CADPS: variants seen among roughly 807,000 people sequenced by gnomAD.
CADPS encodes calcium dependent secretion activator.
A neutral mutation model predicts 167.3 loss-of-function variants in CADPS; 57 were observed. That is an observed-to-expected ratio of 0.34 (90% CI 0.28 to 0.42). The LOEUF is 0.42. Ranked by LOEUF, CADPS falls within the 20% of genes least tolerant of loss-of-function variation. The probability of loss-of-function intolerance (pLI) is 1.00; values close to 1 mark genes in which losing one functional copy is unlikely to be tolerated. For synonymous variants in CADPS, 676 were observed against 635.3 expected (o/e 1.06, Z -0.96); for missense variants, 1,414 against 1,738.1 (o/e 0.81, Z 3.32).
intron 1 of CADPS, among the ~76,000 whole-genome samples, chr3:62,866,324 GT>G (rs2081670618): frequency 6.6e-6 from 1 of 152,028 alleles, no homozygotes; most frequent in Admixed American, 6.6e-5. Flanking sequence ...AAAGGTGACT[GT>G]ATTTTAGACT....
chr3:62,781,632 G>A lies in CADPS; in HGVS notation c.442-15648C>T, dbSNP rs370949214. On this transcript the variant is annotated intron_variant, in intron 1 of 29. Coordinates refer to ENST00000383710, the MANE Select transcript of CADPS (RefSeq NM_003716.4). The stretch of plus-strand genomic sequence containing the variant: ...ACGTTCTGTTGGGAGGGGCCAAAGG[G>A]CTAGAGAGAAAACTAATCCTGGGAG... Among the ~76,000 whole-genome samples the A allele has an allele frequency of 3.9e-5, 6 of 152,132 alleles. No homozygotes were observed. In the East Asian group the frequency reaches 5.8e-4, roughly 15 times the overall value.
At chr3:62,845,983 C>A (rs985099209) in intron 1 of CADPS, among the ~76,000 whole-genome samples, 2 of 151,968 alleles carry the variant, frequency 1.3e-5, no homozygotes, top group African/African-American at 2.4e-5. Context: ...TAGATTTCCC[C>A]CTTCCTGTTC....
chr3:62,834,015 T>C (rs1350523228), intron 1 of CADPS, among the ~76,000 whole-genome samples: 2 of 152,188 alleles, frequency 1.3e-5, no homozygotes, highest in Non-Finnish European at 2.9e-5. Flanking sequence ...ATTATAATGA[T>C]TCATATTTTT....
At chr3:62,745,917 T>C (rs523320) in intron 3 of CADPS, among the ~76,000 whole-genome samples, 126,190 of 152,228 alleles carry the variant, frequency 0.83, 52,729 homozygotes, top group East Asian at 0.92. Context: ...TAGACAATAA[T>C]AGAAAATAAG....
intron 8 of CADPS, among the ~76,000 whole-genome samples, chr3:62,573,585 T>C (rs1410421409): frequency 6.6e-6 from 1 of 152,236 alleles, no homozygotes; most frequent in Non-Finnish European, 1.5e-5. Flanking sequence ...ATCTACATTG[T>C]GTATCTGTAA....
intron 10 of CADPS, among the ~76,000 whole-genome samples, chr3:62,556,727 G>A (rs367904824): frequency 6.6e-6 from 1 of 151,864 alleles, no homozygotes; most frequent in Admixed American, 6.6e-5. Flanking sequence ...GAGGTGCGAG[G>A]GGGCAGGATG....
At chr3:62,467,268 A>C in intron 24 of CADPS, 1 of 1,188,456 alleles carries the variant, frequency 8.4e-7, no homozygotes, top group Non-Finnish European at 1.1e-6. Flanking sequence ...AATGCAAGAC[A>C]TTGTTATTTG....
chr3:62,536,152 A>G (rs1285217819), intron 12 of CADPS: 1 of 278,796 alleles, frequency 3.6e-6, no homozygotes, highest in African/African-American at 2.1e-5. Flanking sequence ...CTCCACAAGC[A>G]GGTGCCAAAC....
intron 20 of CADPS, among the ~76,000 whole-genome samples, chr3:62,491,961 C>T (rs2063821011): frequency 1.3e-5 from 2 of 151,704 alleles, no homozygotes; most frequent in Admixed American, 6.6e-5. Flanking sequence ...TTTTTTTCAT[C>T]TAGAAAGCAT....
At chr3:62,612,453 T>C (rs2061632477) in intron 6 of CADPS, among the ~76,000 whole-genome samples, 2 of 152,228 alleles carry the variant, frequency 1.3e-5, no homozygotes, top group Non-Finnish European at 2.9e-5. Context: ...CAATGGACTC[T>C]ACCAGAGTGT....
chr3:62,480,098 A>C (rs1451242961), intron 22 of CADPS, among the ~76,000 whole-genome samples: 4 of 152,042 alleles, frequency 2.6e-5, no homozygotes, highest in Non-Finnish European at 5.9e-5. Context: ...AAGTTTTGAC[A>C]TGAGGAAAAG....
At chr3:62,552,956 A>T (rs893118031) in intron 10 of CADPS, among the ~76,000 whole-genome samples, 3 of 152,218 alleles carry the variant, frequency 2.0e-5, no homozygotes, top group African/African-American at 7.2e-5. Context: ...TGAATAGCAC[A>T]ATAAAAAGGA....
At chr3:62,541,887 A>C (rs1278910391) in intron 11 of CADPS, among the ~76,000 whole-genome samples, 4 of 152,098 alleles carry the variant, frequency 2.6e-5, no homozygotes, top group African/African-American at 9.7e-5. Flanking sequence ...TTTCTAACAT[A>C]TATATTTTTA....
At position 62,646,161 on chromosome 3, in the gene CADPS, C is replaced by CTTT. The variant is rs35748758; in HGVS notation, c.1204-321_1204-319dup. Among the ~76,000 whole-genome samples the CTTT allele has an allele frequency of 2.7e-3, 346 of 129,076 alleles. 7 individuals are homozygous for CTTT. The highest frequency in any genetic ancestry group is 9.2e-3 in the African/African-American group (315 of 34,292). 84.7% of individuals were successfully genotyped at this position (129,076 alleles called of 152,430 possible). On this transcript the variant is annotated intron_variant, in intron 5 of 29. Transcript: ENST00000383710. ...TTTCATTTCTACCAAGGAATTGGCT[C>CTTT]TTTTTTTTTTTTTTTTTTGAGATGG...
At chr3:62,707,287 G>GATCTGGGGTGAAGCAGTTTC (rs2082491887) in intron 3 of CADPS, among the ~76,000 whole-genome samples, 1 of 152,070 alleles carries the variant, frequency 6.6e-6, no homozygotes, top group Middle Eastern at 3.2e-3. Context: ...AATGCCTGAT[G>GATCTGGGGTGAAGCAGTTTC]ATCTGGGGTG....
chr3:62,585,301 G>A lies in CADPS; in HGVS notation c.1461C>T (p.Asn487=). The change falls in exon 8 of 30, where the codon AAC becomes AAT. Residue 487 remains asparagine (N), a synonymous_variant. Coordinates refer to ENST00000383710, the MANE Select transcript of CADPS (RefSeq NM_003716.4). ...TGTGCCACTCTGACTGTTTGGGGCT[G>A]TTCGGGGTGGGATGGAGAATAACCT... ...LGRVILHPTP[N]SPKQSEWHKM... is the part of the protein sequence containing the mutation. 6.2e-7 allele frequency: 1 copy of A among 1,611,116 alleles called. No individual in the cohort carries two copies. Among genetic ancestry groups the A allele is most frequent in the Non-Finnish European group, 8.5e-7 (1 of 1,178,420 alleles).
At chr3:62,545,616 AT>A (rs145744744) in intron 11 of CADPS, among the ~76,000 whole-genome samples, 1 of 152,054 alleles carries the variant, frequency 6.6e-6, no homozygotes, top group Admixed American at 6.6e-5. Context: ...AGCAGGATCT[AT>A]TTTTTTCAGT....
chr3:62,850,995 C>T (rs1449886681), intron 1 of CADPS, among the ~76,000 whole-genome samples: 8 of 145,106 alleles, frequency 5.5e-5, no homozygotes, highest in East Asian at 2.1e-4. Context: ...TAGTTAGCTC[C>T]TCTTGTTGAA....
intron 5 of CADPS, among the ~76,000 whole-genome samples, chr3:62,650,001 T>C (rs533551959): frequency 6.1e-4 from 93 of 152,340 alleles, no homozygotes; most frequent in Middle Eastern, 6.8e-3. Flanking sequence ...ATTTACGTTG[T>C]TTCCATTTTG....
Sources: gnomAD v4.1 joint callset for allele counts (sites outside exome capture counted in the v4.1 genomes callset) on GRCh38, gnomAD v4.1.1 for gene constraint, MANE v1.5 for transcripts, NCBI Gene and HGNC (gene_info 2026-07-23, HGNC 2026-07-21) for gene names.